The following MIPOL1 variants were observed in gnomAD, a reference collection of about 807,000 sequenced individuals.
The protein encoded by MIPOL1 is mirror-image polydactyly 1, also known as mirror-image polydactyly gene 1 protein.
MIPOL1 carries 57 observed loss-of-function variants against 60.9 expected under a neutral mutation model. The ratio of observed to expected loss-of-function variants is 0.94; its 90% CI spans 0.76 to 1.17. The LOEUF is 1.17. Among genes scored for constraint, MIPOL1 ranks in the 50% most tolerant of loss-of-function variants. The pLI, the probability that MIPOL1 is intolerant of heterozygous loss-of-function variation, is 0.00. For missense variants in MIPOL1, 551 were observed against 511.6 expected (o/e 1.08, Z -0.74); for synonymous variants, 179 against 168.8 (o/e 1.06, Z -0.47).
intron 8 of MIPOL1, 37 bp downstream of exon 8, chr14:37,308,126 CTT>C: frequency 6.3e-7 from 1 of 1,587,180 alleles, no homozygotes. Flanking sequence ...TGATGTCAGT[CTT>C]ATATCTTAGA....
intron 10 of MIPOL1, among the ~76,000 whole-genome samples, chr14:37,410,202 C>G (rs2093658493): frequency 6.6e-6 from 1 of 150,704 alleles, no homozygotes; most frequent in Non-Finnish European, 1.5e-5. Flanking sequence ...CTACATAGAA[C>G]TGTGGAATTC....
chr14:37,207,605 G>C (rs1027994341), intron 1 of MIPOL1, among the ~76,000 whole-genome samples: 1 of 152,052 alleles, frequency 6.6e-6, no homozygotes, highest in African/African-American at 2.4e-5. Flanking sequence ...GAGTGCAGTG[G>C]CACGATCTTG....
At chr14:37,443,772 A>G (rs1040400530) in intron 11 of MIPOL1, among the ~76,000 whole-genome samples, 2 of 151,122 alleles carry the variant, frequency 1.3e-5, no homozygotes, top group East Asian at 3.9e-4. Context: ...AAAAACCTCT[A>G]CAAAAACTAG....
intron 12 of MIPOL1, among the ~76,000 whole-genome samples, chr14:37,537,132 G>A (rs952269463): frequency 6.6e-6 from 1 of 152,058 alleles, no homozygotes; most frequent in Non-Finnish European, 1.5e-5. Flanking sequence ...CAAGATATTG[G>A]AGATACCTGA....
At chr14:37,523,625 G>A in intron 12 of MIPOL1, 1 of 375,228 alleles carries the variant, frequency 2.7e-6, no homozygotes, top group Non-Finnish European at 4.8e-6. Context: ...TTGATCAATT[G>A]TATTCATGTC....
intron 3 of MIPOL1, among the ~76,000 whole-genome samples, chr14:37,256,806 A>G (rs1462353260): frequency 6.6e-6 from 1 of 151,940 alleles, no homozygotes; most frequent in South Asian, 2.1e-4. Context: ...ATGATGTTCT[A>G]TATTGACCCT....
chr14:37,356,874 G>A (rs9796439), intron 9 of MIPOL1, among the ~76,000 whole-genome samples: 88,473 of 152,000 alleles, frequency 0.58, 26,789 homozygotes, highest in Non-Finnish European at 0.67. Flanking sequence ...CTTCCCCGTC[G>A]GCCACGCTGG....
At chr14:37,305,978 T>G (rs1026521095) in intron 7 of MIPOL1, among the ~76,000 whole-genome samples, 1 of 151,846 alleles carries the variant, frequency 6.6e-6, no homozygotes, top group African/African-American at 2.4e-5. Context: ...TTATGTGCTT[T>G]TAGCAGCAAT....
chr14:37,201,666 A>T (rs967600451), intron 1 of MIPOL1, among the ~76,000 whole-genome samples: 1 of 152,148 alleles, frequency 6.6e-6, no homozygotes, highest in Non-Finnish European at 1.5e-5. Flanking sequence ...ACCTCTTCCC[A>T]GGATGGAGGC....
intron 10 of MIPOL1, among the ~76,000 whole-genome samples, chr14:37,373,563 C>T (rs981008645): frequency 7.9e-5 from 12 of 151,796 alleles, no homozygotes; most frequent in Admixed American, 1.3e-4. Flanking sequence ...CAGGCCCCCA[C>T]GTGTGATGGT....
At chr14:37,336,416 C>T (rs1337243704) in intron 9 of MIPOL1, among the ~76,000 whole-genome samples, 1 of 149,762 alleles carries the variant, frequency 6.7e-6, no homozygotes, top group East Asian at 1.9e-4. Flanking sequence ...ATAATGCCCT[C>T]TTTGTCTCTT....
intron 9 of MIPOL1, among the ~76,000 whole-genome samples, chr14:37,362,176 C>A (rs905840554): frequency 6.6e-6 from 1 of 152,168 alleles, no homozygotes; most frequent in African/African-American, 2.4e-5. Flanking sequence ...TTAATTTGCC[C>A]GTTAATTGAT....
At chr14:37,290,018 A>T (rs1398608961) in intron 7 of MIPOL1, among the ~76,000 whole-genome samples, 1 of 152,222 alleles carries the variant, frequency 6.6e-6, no homozygotes, top group Non-Finnish European at 1.5e-5. Flanking sequence ...TCAAAGGAAG[A>T]GCTCATAAAT....
intron 11 of MIPOL1, among the ~76,000 whole-genome samples, chr14:37,444,616 T>C (rs1185560636): frequency 6.6e-6 from 1 of 152,194 alleles, no homozygotes; most frequent in Non-Finnish European, 1.5e-5. Flanking sequence ...TTTCAAGATA[T>C]ATTCTGTAAA....
At chr14:37,493,991 A>G (rs918571239) in intron 11 of MIPOL1, among the ~76,000 whole-genome samples, 1 of 152,192 alleles carries the variant, frequency 6.6e-6, no homozygotes, top group Admixed American at 6.5e-5. Context: ...GGTAAATGTA[A>G]TATGTCTTTG....
At chr14:37,509,098 G>A (rs530125950) in intron 12 of MIPOL1, among the ~76,000 whole-genome samples, 3 of 151,930 alleles carry the variant, frequency 2.0e-5, no homozygotes, top group African/African-American at 7.2e-5. Context: ...CACAATTCCC[G>A]GGAATGTCAT....
chr14:37,408,776 G>A (rs1016098565), intron 10 of MIPOL1, among the ~76,000 whole-genome samples: 20 of 152,084 alleles, frequency 1.3e-4, no homozygotes, highest in Non-Finnish European at 2.5e-4. Flanking sequence ...GCTTCCTACC[G>A]TGTGGCAGGC....
chr14:37,330,866 A>C (rs527631686), intron 9 of MIPOL1, among the ~76,000 whole-genome samples: 1 of 152,210 alleles, frequency 6.6e-6, no homozygotes. Context: ...GACAAGTGAT[A>C]AATTAGTTTT....
chr14:37,293,684 C>T (rs1251027503), intron 7 of MIPOL1, among the ~76,000 whole-genome samples: 1 of 152,166 alleles, frequency 6.6e-6, no homozygotes, highest in Non-Finnish European at 1.5e-5. Context: ...ATCGGAGGGT[C>T]CTATGCCCAC....
Sources: gnomAD v4.1 joint callset for allele counts (sites outside exome capture counted in the v4.1 genomes callset) on GRCh38, gnomAD v4.1.1 for gene constraint, MANE v1.5 for transcripts, NCBI Gene and HGNC (gene_info 2026-07-23, HGNC 2026-07-21) for gene names.